ABCG8: variants seen among roughly 807,000 people sequenced by gnomAD.
The protein encoded by ABCG8 is ATP-binding cassette sub-family G member 8.
Under a neutral mutation model 71.3 loss-of-function variants are expected in ABCG8, and 81 were observed. The observed-to-expected ratio is 1.14, with a 90% CI of 0.95 to 1.37. The LOEUF is 1.37. Among genes scored for constraint, ABCG8 ranks in the 40% most tolerant of loss-of-function variants. The pLI, the probability that ABCG8 is intolerant of heterozygous loss-of-function variation, is 0.00. For missense variants in ABCG8, 1,119 were observed against 866.2 expected (o/e 1.29, Z -3.66); for synonymous variants, 451 against 354.7 (o/e 1.27, Z -3.05).
chr2:43,855,612 C>A (rs528207386), intron 6 of ABCG8, among the ~76,000 whole-genome samples: 1 of 152,208 alleles, frequency 6.6e-6, no homozygotes, highest in Non-Finnish European at 1.5e-5. Flanking sequence ...AATTATCACT[C>A]TCTGGATAGA....
intron 3 of ABCG8, chr2:43,848,551 G>C (rs1046474197): frequency 2.6e-5 from 4 of 152,202 alleles, no homozygotes; most frequent in African/African-American, 9.6e-5. Context: ...GGAACTCAAA[G>C]TATGCAGGCA....
chr2:43,868,355 T>C (rs1485518228), intron 6 of ABCG8, among the ~76,000 whole-genome samples: 1 of 151,974 alleles, frequency 6.6e-6, no homozygotes, highest in Non-Finnish European at 1.5e-5. Flanking sequence ...ACTATCTGGA[T>C]AGAACTCTCA....
At chr2:43,865,791 A>ATC (rs1669511890) in intron 6 of ABCG8, among the ~76,000 whole-genome samples, 3 of 140,192 alleles carry the variant, frequency 2.1e-5, no homozygotes, top group Admixed American at 7.0e-5. Context: ...AATTCTCACC[A>ATC]TCTGGATAGA....
At chr2:43,841,970 A>C (rs1402201648) in intron 1 of ABCG8, among the ~76,000 whole-genome samples, 2 of 151,562 alleles carry the variant, frequency 1.3e-5, no homozygotes, top group Non-Finnish European at 3.0e-5. Context: ...CAACAACAGC[A>C]AGATGCATGT....
intron 8 of ABCG8, among the ~76,000 whole-genome samples, chr2:43,872,558 C>T (rs1436638707): frequency 6.6e-6 from 1 of 152,062 alleles, no homozygotes; most frequent in Non-Finnish European, 1.5e-5. Context: ...CCCATCTCTA[C>T]AAAAAATTAT....
chr2:43,858,152 A>G (rs760278015), intron 6 of ABCG8, among the ~76,000 whole-genome samples: 20 of 151,094 alleles, frequency 1.3e-4, no homozygotes, highest in Non-Finnish European at 2.4e-4. Context: ...AACTCTCACT[A>G]TTTGTCTGGA....
intron 11 of ABCG8, among the ~76,000 whole-genome samples, chr2:43,875,703 T>C (rs1305377106): frequency 1.3e-5 from 2 of 152,200 alleles, no homozygotes; most frequent in African/African-American, 2.4e-5. Flanking sequence ...CCTGTTTCTC[T>C]GAAATGTCTG....
intron 4 of ABCG8, 37 bp downstream of exon 4, chr2:43,851,859 A>G (rs1668928567): frequency 6.2e-7 from 1 of 1,606,852 alleles, no homozygotes; most frequent in Non-Finnish European, 8.5e-7. Context: ...CCCAGGTCCA[A>G]GAAGCTACAG....
At chr2:43,852,943 C>T in intron 6 of ABCG8, 75 bp downstream of exon 6, 1 of 1,567,296 alleles carries the variant, frequency 6.4e-7, no homozygotes, top group Non-Finnish European at 8.7e-7. Flanking sequence ...CCCAAGCTTG[C>T]TGGAAAGATT....
chr2:43,872,340 C>T, intron 8 of ABCG8, 34 bp downstream of exon 8: 1 of 1,591,818 alleles, frequency 6.3e-7, no homozygotes, highest in Non-Finnish European at 8.6e-7. Flanking sequence ...TGAACCCGCC[C>T]CCCTGCCCAA....
rs529101943 is a variant in ABCG8, at chr2:43,873,488, A to G, written c.1212-299A>G. On this transcript the variant is annotated intron_variant, in intron 8 of 12. Transcript: ENST00000272286. ...ATTACAAGCGTGAGCCACCACGCCC[A>G]GCCTGTCCGTACATCTTTATGGAAG... 2.1e-3 allele frequency among the ~76,000 whole-genome samples: 315 copies of G among 152,232 alleles called. 2 individuals are homozygous for G. Among genetic ancestry groups the G allele is most frequent in the African/African-American group, 7.3e-3 (305 of 41,562 alleles).
intron 6 of ABCG8, among the ~76,000 whole-genome samples, chr2:43,867,793 A>T (rs1259460062): frequency 2.0e-5 from 3 of 151,702 alleles, no homozygotes; most frequent in Non-Finnish European, 4.4e-5. Context: ...CCATCTGGAT[A>T]GAACTGTCAC....
chr2:43,857,864 A>G (rs945125377), intron 6 of ABCG8, among the ~76,000 whole-genome samples: 1 of 151,714 alleles, frequency 6.6e-6, no homozygotes, highest in African/African-American at 2.4e-5. Context: ...CACAATCTGT[A>G]TGGAATTCGC....
rs1670131869 is a variant in ABCG8 at position 43,881,573 on chromosome 2, G to A, written c.*3660G>A. On this transcript the variant is annotated 3_prime_UTR_variant, in exon 13 of 13. Transcript: ENST00000272286. The stretch of plus-strand genomic sequence containing the variant: ...AAAATACAAAAATTAGCTGGGCATG[G>A]TAGTGCGTGCCTGTAGTTCCAGCTA... 1 of 152,258 alleles carries A rather than the reference G, an allele frequency of 6.6e-6. No homozygotes were observed. Among genetic ancestry groups the A allele is most frequent in the Non-Finnish European group, 1.5e-5 (1 of 68,094 alleles). 9.4% of individuals were successfully genotyped at this position (152,258 alleles called of 1,614,324 possible). A position where few individuals can be genotyped will look rare whatever the true frequency, so the allele number is the denominator to read the frequency against.
chr2:43,863,768 A>G (rs1669420897), intron 6 of ABCG8, among the ~76,000 whole-genome samples: 1 of 150,890 alleles, frequency 6.6e-6, no homozygotes, highest in South Asian at 2.1e-4. Flanking sequence ...CTTACTATCT[A>G]TCTGGATGGA....
intron 6 of ABCG8, among the ~76,000 whole-genome samples, chr2:43,862,307 T>A (rs1669352119): frequency 6.6e-6 from 1 of 151,454 alleles, no homozygotes; most frequent in Non-Finnish European, 1.5e-5. Flanking sequence ...TTGGTAGAAC[T>A]CTCACTATCT....
At chr2:43,865,631 C>A (rs72798807) in intron 6 of ABCG8, among the ~76,000 whole-genome samples, 5,515 of 150,914 alleles carry the variant, frequency 0.037, 235 homozygotes, top group South Asian at 0.066. Context: ...GGATAGAATT[C>A]TCCCTACTGA....
chr2:43,868,673 T>C (rs1669630368), intron 6 of ABCG8, among the ~76,000 whole-genome samples: 1 of 152,172 alleles, frequency 6.6e-6, no homozygotes, highest in Admixed American at 6.5e-5. Context: ...TCTCACTCTC[T>C]GGATACTACT....
chr2:43,882,827 AAC>A lies in ABCG8; in HGVS notation c.*4918_*4919del, dbSNP rs1170653400. 6.6e-6 allele frequency: 1 copy of A among 152,236 alleles called. No individual in the cohort carries two copies. Among genetic ancestry groups the A allele is most frequent in the African/African-American group, 2.4e-5 (1 of 41,456 alleles). 9.4% of individuals were successfully genotyped at this position (152,236 alleles called of 1,614,324 possible). A position where few individuals can be genotyped will look rare whatever the true frequency, so the allele number is the denominator to read the frequency against. ...TTTAAGCAGTGGGTTGAGATTTTTA[AAC>A]ACAAACCAACTCAAAAACACTTCTC... On this transcript the variant is annotated 3_prime_UTR_variant, in exon 13 of 13. Coordinates refer to ENST00000272286, the MANE Select transcript of ABCG8 (RefSeq NM_022437.3).
Sources: allele counts gnomAD v4.1 joint callset (sites outside exome capture counted in the v4.1 genomes callset), GRCh38; gene constraint gnomAD v4.1.1; transcripts MANE v1.5; gene names NCBI Gene and HGNC (gene_info 2026-07-23, HGNC 2026-07-21).